The following DCDC1 variants were observed in gnomAD, a reference collection of about 807,000 sequenced individuals.
The protein encoded by DCDC1 is doublecortin domain-containing protein 1.
In DCDC1, 200 loss-of-function variants were observed where a neutral mutation model predicts 178.3. The ratio of observed to expected loss-of-function variants is 1.12; its 90% CI spans 1.00 to 1.26. DCDC1 has a LOEUF of 1.26. Among genes scored for constraint, DCDC1 ranks in the 50% most tolerant of loss-of-function variants. The pLI is 0.00. For synonymous variants in DCDC1, 690 were observed against 604.8 expected (o/e 1.14, Z -2.07); for missense variants, 1,983 against 1,749.2 (o/e 1.13, Z -2.38).
At chr11:31,154,580 A>G (rs1465218952) in intron 9 of DCDC1, among the ~76,000 whole-genome samples, 3 of 152,238 alleles carry the variant, frequency 2.0e-5, no homozygotes, top group African/African-American at 7.2e-5. Flanking sequence ...TGTCTAGCAC[A>G]GAATAGATAT....
chr11:30,896,021 A>AT (rs1019491139), intron 34 of DCDC1, among the ~76,000 whole-genome samples: 4 of 152,152 alleles, frequency 2.6e-5, no homozygotes, highest in Non-Finnish European at 5.9e-5. Context: ...AACATTATGC[A>AT]TTTTTTGTCA....
chr11:31,314,955 C>T (rs1399346657), intron 3 of DCDC1, among the ~76,000 whole-genome samples: 3 of 152,054 alleles, frequency 2.0e-5, no homozygotes, highest in Non-Finnish European at 4.4e-5. Flanking sequence ...TTCATTAAAT[C>T]TAGTTTACAA....
chr11:30,903,355 G>T, intron 32 of DCDC1, 127 bp downstream of exon 32: 1 of 892,272 alleles, frequency 1.1e-6, no homozygotes, highest in Non-Finnish European at 1.6e-6. Flanking sequence ...GACACTCTTC[G>T]GGTCACAAAA....
In DCDC1 at chr11:30,909,739, A is replaced by G. The variant is rs182951851; in HGVS notation, c.3748-623T>C. Among the ~76,000 whole-genome samples the G allele has an allele frequency of 1.7e-3, 256 of 152,250 alleles. 1 individual carries two copies. The Middle Eastern group carries it at 0.017, about 10-fold the overall frequency. ...AAATGAAAAAAAGTACCTTGTTGATATTTTAATTTATATTTCATTGATTAT... is the reference window on the plus strand; with the variant it reads ...AAATGAAAAAAAGTACCTTGTTGATGTTTTAATTTATATTTCATTGATTAT... On this transcript the variant is annotated intron_variant, in intron 28 of 38. Transcript: ENST00000684477.
chr11:31,228,409 A>G (rs1424216488), intron 9 of DCDC1, among the ~76,000 whole-genome samples: 1 of 152,134 alleles, frequency 6.6e-6, no homozygotes, highest in Non-Finnish European at 1.5e-5. Context: ...GGCATAGCAA[A>G]AGCAGGGCTT....
chr11:31,144,888 G>T (rs1031658683), intron 9 of DCDC1, among the ~76,000 whole-genome samples: 1 of 151,828 alleles, frequency 6.6e-6, no homozygotes, highest in African/African-American at 2.4e-5. Context: ...TCCTTTTTGA[G>T]GTATAGTTCC....
chr11:31,020,502 T>C (rs946746837), intron 20 of DCDC1, among the ~76,000 whole-genome samples: 4 of 152,126 alleles, frequency 2.6e-5, no homozygotes, highest in Admixed American at 2.6e-4. Context: ...ACTCCCAAAC[T>C]AAAAAATGTA....
intron 32 of DCDC1, 43 bp from the exon 33 acceptor site, chr11:30,900,541 T>C: frequency 1.5e-6 from 2 of 1,372,420 alleles, no homozygotes; most frequent in Non-Finnish European, 9.6e-7. Flanking sequence ...CAACGAATAA[T>C]GAATAAATTT....
chr11:31,036,458 T>A (rs745697410), intron 20 of DCDC1, among the ~76,000 whole-genome samples: 1 of 152,190 alleles, frequency 6.6e-6, no homozygotes, highest in African/African-American at 2.4e-5. Context: ...CACCTATGTC[T>A]CTGTGACAGA....
In DCDC1 at chr11:30,915,521, C is replaced by T; in HGVS notation, c.3643G>A (p.Glu1215Lys). The change falls in exon 27 of 39, where the codon GAA (glutamate) becomes AAA (lysine). Residue 1215 changes from glutamate to lysine, a missense_variant. Physicochemically the swap from Glu to Lys is moderately conservative, Grantham distance 56. Coordinates refer to ENST00000684477, the MANE Select transcript of DCDC1 (RefSeq NM_001387274.1). Reference protein sequence around the residue: ...DGSHQRWIHQEDSRTFHLVSN... With the variant: ...DGSHQRWIHQKDSRTFHLVSN... ...ATATAATGGGATTACCTGCTGTCTT[C>T]CTGGTGTATCCAGCGCTGATGACTA... 1 of 1,613,934 alleles carries T rather than the reference C, an allele frequency of 6.2e-7. No individual in the cohort carries two copies. Among genetic ancestry groups the T allele is most frequent in the Non-Finnish European group, 8.5e-7 (1 of 1,179,838 alleles).
At chr11:30,889,461 C>A (rs559823499) in intron 36 of DCDC1, among the ~76,000 whole-genome samples, 2 of 152,282 alleles carry the variant, frequency 1.3e-5, no homozygotes, top group South Asian at 4.1e-4. Context: ...TCTCATTCTT[C>A]CAGCAAAAGT....
chr11:30,960,667 A>G (rs1372323010), intron 20 of DCDC1, among the ~76,000 whole-genome samples: 1 of 152,040 alleles, frequency 6.6e-6, no homozygotes, highest in African/African-American at 2.4e-5. Context: ...TAATATTTCC[A>G]TGTTTTTCTT....
chr11:30,934,290 G>T (rs1358741078), intron 21 of DCDC1, among the ~76,000 whole-genome samples: 1 of 152,146 alleles, frequency 6.6e-6, no homozygotes, highest in South Asian at 2.1e-4. Flanking sequence ...AATCTCTCTG[G>T]TTTTGGTGGC....
At chr11:31,041,774 C>CTG (rs1954473511) in intron 20 of DCDC1, among the ~76,000 whole-genome samples, 1 of 152,136 alleles carries the variant, frequency 6.6e-6, no homozygotes, top group African/African-American at 2.4e-5. Flanking sequence ...CCCTCATAGT[C>CTG]TGATTCCAGT....
intron 32 of DCDC1, among the ~76,000 whole-genome samples, chr11:30,901,605 T>C (rs1050258939): frequency 6.6e-6 from 1 of 152,184 alleles, no homozygotes; most frequent in African/African-American, 2.4e-5. Context: ...GCTTGCCTGA[T>C]TTAAGGATAC....
chr11:31,067,949 G>A (rs1333463176), intron 18 of DCDC1, among the ~76,000 whole-genome samples: 4 of 152,252 alleles, frequency 2.6e-5, no homozygotes, highest in South Asian at 4.1e-4. Context: ...TTGTGGTGAC[G>A]GATGCAAAAA....
rs554516154 is a variant in DCDC1, at chr11:31,335,452, T to G, written c.-12A>C. ...CAATGAGATGAACCAGGTACCTTAG[T>G]TGGAAATGCAGAAATCACCCATCTT... is the stretch of plus-strand genomic sequence containing the variant. On this transcript the variant is annotated 5_prime_UTR_variant, in exon 2 of 39. Transcript: ENST00000684477. 1 of 152,312 alleles carries G rather than the reference T, an allele frequency of 6.6e-6. No homozygotes were observed. The highest frequency in any genetic ancestry group is 1.5e-5 in the Non-Finnish European group (1 of 68,040). The allele number at this position is 152,312 out of a possible 1,614,324, so 9.4% of individuals were successfully genotyped here.
chr11:31,280,011 TA>T (rs954824563), intron 7 of DCDC1, among the ~76,000 whole-genome samples: 125 of 152,158 alleles, frequency 8.2e-4, no homozygotes, highest in African/African-American at 2.7e-3. Flanking sequence ...AATTTAAACA[TA>T]AAAAAACTTG....
intron 9 of DCDC1, among the ~76,000 whole-genome samples, chr11:31,179,862 GA>G (rs925375306): frequency 3.3e-4 from 50 of 152,116 alleles, no homozygotes; most frequent in African/African-American, 1.2e-3. Context: ...CATTATCTCT[GA>G]AAAACATAGA....
Sources: allele counts gnomAD v4.1 joint callset (sites outside exome capture counted in the v4.1 genomes callset), GRCh38; gene constraint gnomAD v4.1.1; transcripts MANE v1.5; gene names NCBI Gene and HGNC (gene_info 2026-07-23, HGNC 2026-07-21).